Variants in SLC39A9 observed in about 807,000 individuals in gnomAD.
SLC39A9 encodes zinc transporter ZIP9.
A neutral mutation model predicts 28.4 loss-of-function variants in SLC39A9; 14 were observed. The observed-to-expected ratio is 0.49, with a 90% CI of 0.33 to 0.77. SLC39A9 has a LOEUF of 0.77. Ranked by LOEUF, SLC39A9 falls within the 30% of genes least tolerant of loss-of-function variation. SLC39A9 has a pLI of 0.02. For synonymous variants in SLC39A9, 119 were observed against 149.6 expected, an observed-to-expected ratio of 0.80 and a Z score of 1.49; for missense variants, 283 against 381.1, an observed-to-expected ratio of 0.74 and a Z score of 2.14.
At chr14:69,423,635 C>T (rs540673705) in intron 1 of SLC39A9, among the ~76,000 whole-genome samples, 6 of 152,280 alleles carry the variant, frequency 3.9e-5, no homozygotes, top group East Asian at 3.9e-4. Context: ...CAGTGGCTCA[C>T]GCTTGTAATC....
At chr14:69,452,815 G>T (rs1885676532) in intron 3 of SLC39A9, among the ~76,000 whole-genome samples, 1 of 152,152 alleles carries the variant, frequency 6.6e-6, no homozygotes, top group Non-Finnish European at 1.5e-5. Context: ...CTAAGGAAGA[G>T]ATAGACAATG....
intron 2 of SLC39A9, among the ~76,000 whole-genome samples, chr14:69,425,040 AAG>A (rs1884112413): frequency 6.6e-6 from 1 of 152,194 alleles, no homozygotes; most frequent in Non-Finnish European, 1.5e-5. Context: ...TTGATAGACA[AAG>A]AGTTTTGGCA....
At chr14:69,433,448 T>C (rs753356648) in intron 2 of SLC39A9, among the ~76,000 whole-genome samples, 1 of 152,224 alleles carries the variant, frequency 6.6e-6, no homozygotes, top group Non-Finnish European at 1.5e-5. Flanking sequence ...GCTGGCCTCT[T>C]AGATTTGGGA....
intron 1 of SLC39A9, among the ~76,000 whole-genome samples, chr14:69,403,851 C>T (rs1882769491): frequency 6.6e-6 from 1 of 151,924 alleles, no homozygotes; most frequent in African/African-American, 2.4e-5. Context: ...CGAGACCACC[C>T]TGACCAACAC....
chr14:69,429,672 T>C (rs1338532118), intron 2 of SLC39A9, among the ~76,000 whole-genome samples: 1 of 152,170 alleles, frequency 6.6e-6, no homozygotes, highest in African/African-American at 2.4e-5. Context: ...GAGCTGAGAT[T>C]GTGCCACTGC....
rs1185305576 is a variant in SLC39A9 at position 69,400,391 on chromosome 14, T to C, written c.96+926T>C. Among the ~76,000 whole-genome samples, 4 of 152,326 alleles carry C rather than the reference T, an allele frequency of 2.6e-5. No homozygotes were observed. The East Asian group carries it at 7.7e-4, about 29-fold the overall frequency. On this transcript the variant is annotated intron_variant, in intron 1 of 6. Coordinates refer to ENST00000336643, the MANE Select transcript of SLC39A9 (RefSeq NM_018375.5). Reference sequence around the variant, plus strand: ...TAAGCGAGGGTCCCGGGAAGAGGGATAGATGAAAGCACTGTTCAGTGAACA... The same window carrying C: ...TAAGCGAGGGTCCCGGGAAGAGGGACAGATGAAAGCACTGTTCAGTGAACA...
At chr14:69,445,835 A>G (rs765884824) in intron 3 of SLC39A9, among the ~76,000 whole-genome samples, 2 of 152,234 alleles carry the variant, frequency 1.3e-5, no homozygotes, top group Admixed American at 1.3e-4. Context: ...TATTCAAAAA[A>G]TAGAATGAAA....
chr14:69,454,934 G>C, intron 5 of SLC39A9, 37 bp downstream of exon 5: 1 of 1,496,372 alleles, frequency 6.7e-7, no homozygotes, highest in Non-Finnish European at 9.2e-7. Context: ...GGTATTGAGT[G>C]TATTCATAAT....
At position 69,461,887 on chromosome 14, in the gene SLC39A9, T is replaced by C; in HGVS notation, c.*3294T>C. ...GATTCATCCAGAACTGCTGCAGTGT[T>C]AAGTGAAAATCCTCTGTAGTTGTTC... On this transcript the variant is annotated 3_prime_UTR_variant, in exon 7 of 7. Coordinates refer to ENST00000336643, the MANE Select transcript of SLC39A9 (RefSeq NM_018375.5). 5.4e-6 allele frequency: 4 copies of C among 746,050 alleles called. No individual in the cohort carries two copies. The highest frequency in any genetic ancestry group is 8.3e-6 in the Non-Finnish European group (4 of 483,062). 46.2% of individuals were successfully genotyped at this position (746,050 alleles called of 1,614,324 possible). A position where few individuals can be genotyped will look rare whatever the true frequency, so the allele number is the denominator to read the frequency against.
rs772899152 is a variant in SLC39A9, at chr14:69,442,280, A to G, written c.403+14A>G. The stretch of plus-strand genomic sequence containing the variant: ...ATTCTACTGACGGTGAGTGGCTCCA[A>G]GGCTTTCTGGGCAGTGCAATACATT... On this transcript the variant is annotated intron_variant, in intron 3 of 6. Transcript: ENST00000336643. 1.9e-6 allele frequency: 3 copies of G among 1,612,896 alleles called. No homozygotes were observed. The highest frequency in any genetic ancestry group is 1.7e-4 in the Middle Eastern group (1 of 6,056).
rs570165669 is a variant in SLC39A9 at position 69,413,728 on chromosome 14, AT to A, written c.97-10359del. Among the ~76,000 whole-genome samples, 345 of 152,052 alleles carry A rather than the reference AT, an allele frequency of 2.3e-3. 2 individuals carry two copies. Among genetic ancestry groups the A allele is most frequent in the African/African-American group, 8.0e-3 (332 of 41,478 alleles). On this transcript the variant is annotated intron_variant, in intron 1 of 6. Transcript: ENST00000336643. ...TGAATATCATCTTTTTTGGAGATAA[AT>A]TTTTTTATAATGGATTGTATGTATT... is the stretch of plus-strand genomic sequence containing the variant.
At chr14:69,457,313 C>T (rs1054059502) in intron 6 of SLC39A9, among the ~76,000 whole-genome samples, 2 of 152,098 alleles carry the variant, frequency 1.3e-5, no homozygotes, top group East Asian at 3.8e-4. Context: ...GACGATTCTC[C>T]TGCCCCAGCT....
At chr14:69,458,124 T>C (rs975852438) in intron 6 of SLC39A9, among the ~76,000 whole-genome samples, 4 of 152,208 alleles carry the variant, frequency 2.6e-5, no homozygotes, top group African/African-American at 9.6e-5. Context: ...ATATATATAA[T>C]TATAAATTGT....
In SLC39A9 at chr14:69,399,265, G is replaced by A; in HGVS notation, c.-105G>A. The A allele has an allele frequency of 1.0e-6, 1 of 958,890 alleles. No individual in the cohort carries two copies. The highest frequency in any genetic ancestry group is 1.6e-6 in the Non-Finnish European group (1 of 614,890). 59.4% of individuals were successfully genotyped at this position (958,890 alleles called of 1,614,324 possible). A position where few individuals can be genotyped will look rare whatever the true frequency, so the allele number is the denominator to read the frequency against. On this transcript the variant is annotated 5_prime_UTR_variant, in exon 1 of 7. Transcript: ENST00000336643. ...GTGGGAAGGCCTAAAGAACTGGAAAGCCCACTCTCTTGGAACCACCACACC... is the reference window on the plus strand; with the variant it reads ...GTGGGAAGGCCTAAAGAACTGGAAAACCCACTCTCTTGGAACCACCACACC...
chr14:69,416,233 G>C (rs185701963), intron 1 of SLC39A9, among the ~76,000 whole-genome samples: 196 of 152,188 alleles, frequency 1.3e-3, no homozygotes, highest in Non-Finnish European at 1.2e-3. Context: ...TTGGTTTTCT[G>C]TCTTTCCGAT....
rs116188155 is a variant in SLC39A9 at position 69,423,565 on chromosome 14, A to G, written c.97-529A>G. Among the ~76,000 whole-genome samples, 448 of 152,330 alleles carry G rather than the reference A, an allele frequency of 2.9e-3. 3 individuals carry two copies. The highest frequency in any genetic ancestry group is 0.01 in the African/African-American group (435 of 41,572). On this transcript the variant is annotated intron_variant, in intron 1 of 6. Coordinates refer to ENST00000336643, the MANE Select transcript of SLC39A9 (RefSeq NM_018375.5). ...ACTCATTCTTCCTATCATGGATAGT[A>G]GACATTTTCCCAAATCATTGTTAAC...
rs1045301 is a variant in SLC39A9, at chr14:69,461,590, G to T, written c.*2997G>T. ...AATCATTAGAGAAAAGAAAGGGAGT[G>T]GCTGTTTTGAGTTGTCCTTTCTTTG... On this transcript the variant is annotated 3_prime_UTR_variant, in exon 7 of 7. Coordinates refer to ENST00000336643, the MANE Select transcript of SLC39A9 (RefSeq NM_018375.5). 0.071 allele frequency: 106,764 copies of T among 1,513,120 alleles called. 3,976 individuals carry two copies. The highest frequency in any genetic ancestry group is 0.1 in the East Asian group (4,120 of 40,540). The allele number at this position is 1,513,120 out of a possible 1,614,324, so 93.7% of individuals were successfully genotyped here.
rs149248080 is a variant in SLC39A9 at position 69,419,908 on chromosome 14, G to T, written c.97-4186G>T. 7.9e-5 allele frequency among the ~76,000 whole-genome samples: 12 copies of T among 152,196 alleles called. No individual in the cohort carries two copies. The East Asian group carries it at 2.3e-3, about 29-fold the overall frequency. On this transcript the variant is annotated intron_variant, in intron 1 of 6. Coordinates refer to ENST00000336643, the MANE Select transcript of SLC39A9 (RefSeq NM_018375.5). ...ATGTGTGTCCCTGCATGAGAGATGG[G>T]TCTCCTGAATACAGCACACTGATGG...
chr14:69,441,834 G>A, intron 2 of SLC39A9: 3 of 1,251,170 alleles, frequency 2.4e-6, no homozygotes, highest in South Asian at 2.2e-5. Context: ...CTTCCCAGGT[G>A]TTGAGAATAA....
Sources: gnomAD v4.1 joint callset for allele counts (sites outside exome capture counted in the v4.1 genomes callset) on GRCh38, gnomAD v4.1.1 for gene constraint, MANE v1.5 for transcripts, NCBI Gene and HGNC (gene_info 2026-07-23, HGNC 2026-07-21) for gene names.